The following DSCAML1 variants were observed in gnomAD, a reference collection of about 807,000 sequenced individuals.
DSCAML1 encodes the protein DS cell adhesion molecule like 1.
In DSCAML1, 38 loss-of-function variants were observed where a neutral mutation model predicts 200.5. The observed-to-expected ratio is 0.19, with a 90% CI of 0.15 to 0.25. DSCAML1 has a LOEUF of 0.25. Ranked by LOEUF, DSCAML1 falls within the 10% of genes least tolerant of loss-of-function variation. The pLI is 1.00. For missense variants in DSCAML1, 2,223 were observed against 2,858.8 expected, an observed-to-expected ratio of 0.78 and a Z score of 5.07; for synonymous variants, 1,215 against 1,165.0, an observed-to-expected ratio of 1.04 and a Z score of -0.87.
chr11:117,588,274 C>T (rs1279353690), intron 3 of DSCAML1, among the ~76,000 whole-genome samples: 1 of 152,090 alleles, frequency 6.6e-6, no homozygotes, highest in Non-Finnish European at 1.5e-5. Flanking sequence ...GCCAGCCGTG[C>T]CCATGACTCC....
chr11:117,453,180 C>T (rs190323572), intron 19 of DSCAML1, among the ~76,000 whole-genome samples: 142 of 152,300 alleles, frequency 9.3e-4, no homozygotes, highest in South Asian at 7.3e-3. Flanking sequence ...AGTGATCCAC[C>T]GGCCTCGGCC....
Position 117,552,449 on chromosome 11 carries a change from A to G in DSCAML1, c.512-19927T>C, listed in dbSNP as rs1239158190. On this transcript the variant is annotated intron_variant, in intron 3 of 32. Transcript: ENST00000651296. ...TCCACCCCCCTCTCCCCTGCCCCCG[A>G]GATGAGCAGGAAGGGGACCACACTG... Among the ~76,000 whole-genome samples the G allele has an allele frequency of 5.3e-5, 8 of 151,860 alleles. No homozygotes were observed. The East Asian group carries it at 1.5e-3, about 29-fold the overall frequency.
intron 21 of DSCAML1, among the ~76,000 whole-genome samples, chr11:117,441,236 G>C (rs2048039881): frequency 6.6e-6 from 1 of 152,232 alleles, no homozygotes; most frequent in African/African-American, 2.4e-5. Context: ...CACTGAAGGA[G>C]GGGCAGGCTT....
chr11:117,475,288 T>C (rs892171678), intron 14 of DSCAML1, among the ~76,000 whole-genome samples: 1 of 152,024 alleles, frequency 6.6e-6, no homozygotes, highest in African/African-American at 2.4e-5. Context: ...AGTCTGAGAG[T>C]AGTCTTCTCA....
At chr11:117,551,960 T>G (rs1276874824) in intron 3 of DSCAML1, among the ~76,000 whole-genome samples, 1 of 150,632 alleles carries the variant, frequency 6.6e-6, no homozygotes, top group Non-Finnish European at 1.5e-5. Context: ...TGGCTAATCC[T>G]GTTAAGGAGA....
intron 1 of DSCAML1, among the ~76,000 whole-genome samples, chr11:117,785,395 G>A (rs1309929100): frequency 7.9e-5 from 12 of 152,118 alleles, no homozygotes; most frequent in African/African-American, 2.7e-4. Flanking sequence ...GACAAGGGGG[G>A]GCACTCCCAG....
At chr11:117,443,686 C>A (rs1364446775) in intron 21 of DSCAML1, among the ~76,000 whole-genome samples, 200 bp downstream of exon 21, 1 of 152,234 alleles carries the variant, frequency 6.6e-6, no homozygotes, top group Non-Finnish European at 1.5e-5. Context: ...CGGAGGCAGC[C>A]TGTTGTGAGG....
chr11:117,653,682 G>A (rs1386080531), intron 3 of DSCAML1, among the ~76,000 whole-genome samples: 3 of 152,020 alleles, frequency 2.0e-5, no homozygotes, highest in Non-Finnish European at 2.9e-5. Flanking sequence ...ATCACCATAC[G>A]ACCCAGCCAT....
At chr11:117,653,552 G>C (rs2052673998) in intron 3 of DSCAML1, among the ~76,000 whole-genome samples, 1 of 152,144 alleles carries the variant, frequency 6.6e-6, no homozygotes, top group African/African-American at 2.4e-5. Flanking sequence ...ATTTAAGAGA[G>C]GACCAATGTG....
chr11:117,752,465 G>A (rs766383196), intron 3 of DSCAML1, among the ~76,000 whole-genome samples: 3 of 152,186 alleles, frequency 2.0e-5, no homozygotes, highest in Non-Finnish European at 4.4e-5. Context: ...GGTCAGGAGA[G>A]GATGCTAGAT....
intron 3 of DSCAML1, among the ~76,000 whole-genome samples, chr11:117,652,830 T>G (rs912245879): frequency 6.6e-6 from 1 of 152,184 alleles, no homozygotes; most frequent in Non-Finnish European, 1.5e-5. Context: ...TGGCTTGGCA[T>G]GGTCTTTCAC....
chr11:117,497,136 T>G (rs535893859), intron 11 of DSCAML1, among the ~76,000 whole-genome samples: 16 of 152,188 alleles, frequency 1.1e-4, no homozygotes, highest in Non-Finnish European at 1.9e-4. Flanking sequence ...ACCCACTTGT[T>G]GAGCTCTAGT....
At chr11:117,789,642 C>G (rs2055423749) in intron 1 of DSCAML1, among the ~76,000 whole-genome samples, 1 of 152,136 alleles carries the variant, frequency 6.6e-6, no homozygotes, top group Admixed American at 6.5e-5. Flanking sequence ...TGTATCAGAG[C>G]AACTAGGGAT....
intron 6 of DSCAML1, among the ~76,000 whole-genome samples, chr11:117,519,296 C>T (rs892711477): frequency 1.1e-4 from 16 of 152,128 alleles, no homozygotes; most frequent in Non-Finnish European, 1.5e-4. Flanking sequence ...GGGGTGGTGG[C>T]GCTGCAACCC....
chr11:117,481,448 A>G (rs1230541782), intron 12 of DSCAML1, among the ~76,000 whole-genome samples, 178 bp from the exon 13 acceptor site: 1 of 138,646 alleles, frequency 7.2e-6, no homozygotes, highest in Non-Finnish European at 1.5e-5. Flanking sequence ...GGAAGTATGG[A>G]GGGCTTCATA....
At chr11:117,578,957 C>CAT (rs1276034313) in intron 3 of DSCAML1, among the ~76,000 whole-genome samples, 1 of 152,220 alleles carries the variant, frequency 6.6e-6, no homozygotes, top group Non-Finnish European at 1.5e-5. Flanking sequence ...CCATGAAGGG[C>CAT]ATCCCAACCC....
intron 3 of DSCAML1, among the ~76,000 whole-genome samples, chr11:117,746,458 G>T (rs559551972): frequency 4.6e-5 from 7 of 152,114 alleles, no homozygotes; most frequent in Admixed American, 2.0e-4. Context: ...TCTGCCTCTC[G>T]TCTTCTCTTG....
intron 3 of DSCAML1, among the ~76,000 whole-genome samples, chr11:117,698,832 C>A (rs1276862478): frequency 6.6e-6 from 1 of 152,160 alleles, no homozygotes; most frequent in Non-Finnish European, 1.5e-5. Flanking sequence ...CACACATATT[C>A]CCAGGAGAGT....
intron 1 of DSCAML1, among the ~76,000 whole-genome samples, chr11:117,794,663 G>C (rs1472104603): frequency 6.6e-6 from 1 of 151,780 alleles, no homozygotes; most frequent in Non-Finnish European, 1.5e-5. Context: ...CCTTGGTGCC[G>C]CGGGGGTGAC....
Sources: allele counts gnomAD v4.1 joint callset (sites outside exome capture counted in the v4.1 genomes callset), GRCh38; gene constraint gnomAD v4.1.1; transcripts MANE v1.5; gene names NCBI Gene and HGNC (gene_info 2026-07-23, HGNC 2026-07-21).